GALNT13: variants seen among roughly 807,000 people sequenced by gnomAD.
The protein encoded by GALNT13 is UDP-GalNAc:polypeptide N-acetylgalactosaminyltransferase 13.
A neutral mutation model predicts 64.2 loss-of-function variants in GALNT13; 28 were observed. The ratio of observed to expected loss-of-function variants is 0.44; its 90% CI spans 0.32 to 0.60. GALNT13 has a LOEUF of 0.60. Among genes scored for constraint, GALNT13 ranks in the 20% least tolerant of loss-of-function variants. The pLI is 0.05. For synonymous variants in GALNT13, 214 were observed against 224.6 expected (o/e 0.95, Z 0.42); for missense variants, 577 against 669.8 (o/e 0.86, Z 1.53).
the GALNT13 span, among the ~76,000 whole-genome samples, chr2:153,174,467 ATTTT>A: frequency 1.5e-5 from 2 of 136,578 alleles, no homozygotes; most frequent in Non-Finnish European, 1.6e-5. Context: ...CACATTTTCT[ATTTT>A]TTTTTTTTTT....
the GALNT13 span, among the ~76,000 whole-genome samples, chr2:153,768,123 A>G: frequency 6.6e-6 from 1 of 152,152 alleles, no homozygotes; most frequent in South Asian, 2.1e-4. Flanking sequence ...TTGTTTATCC[A>G]TTCAAAAGAC....
chr2:153,388,762 C>T, the GALNT13 span, among the ~76,000 whole-genome samples: 2 of 152,146 alleles, frequency 1.3e-5, no homozygotes, highest in Admixed American at 1.3e-4. Flanking sequence ...CAATTCCAGC[C>T]TCCTAACTTC....
At chr2:153,215,131 ATAAT>A in the GALNT13 span, among the ~76,000 whole-genome samples, 1 of 152,196 alleles carries the variant, frequency 6.6e-6, no homozygotes, top group East Asian at 1.9e-4. Flanking sequence ...TGCATTTTAG[ATAAT>A]TAATTGATTC....
chr2:153,356,054 T>C, the GALNT13 span, among the ~76,000 whole-genome samples: 2 of 152,196 alleles, frequency 1.3e-5, no homozygotes, highest in Non-Finnish European at 2.9e-5. Flanking sequence ...ATATTCAAAT[T>C]AATTCATGTT....
At chr2:154,115,707 C>A (rs1420581286) in intron 3 of GALNT13, among the ~76,000 whole-genome samples, 4 of 152,164 alleles carry the variant, frequency 2.6e-5, no homozygotes, top group Non-Finnish European at 5.9e-5. Context: ...AGGTGTGAGC[C>A]ACCATGCCCG....
the GALNT13 span, among the ~76,000 whole-genome samples, chr2:153,579,886 A>AC: frequency 0.018 from 2,774 of 151,796 alleles, 88 homozygotes; most frequent in African/African-American, 0.064. Flanking sequence ...ACAATCCCTC[A>AC]CCCCCACCTT....
At chr2:154,260,976 G>A (rs1690664155) in intron 8 of GALNT13, among the ~76,000 whole-genome samples, 1 of 152,030 alleles carries the variant, frequency 6.6e-6, no homozygotes, top group Non-Finnish European at 1.5e-5. Context: ...TTCTGCCAAT[G>A]TACTCCTCTT....
chr2:153,452,434 C>T, the GALNT13 span, among the ~76,000 whole-genome samples: 13 of 151,704 alleles, frequency 8.6e-5, no homozygotes, highest in Non-Finnish European at 1.9e-4. Context: ...GCTGAGATTG[C>T]ACCACTGCAC....
the GALNT13 span, among the ~76,000 whole-genome samples, chr2:153,525,815 C>A: frequency 6.6e-6 from 1 of 152,130 alleles, no homozygotes; most frequent in Non-Finnish European, 1.5e-5. Context: ...CAGAGAGGAG[C>A]CCAGTGCTCT....
chr2:153,497,398 C>T, the GALNT13 span, among the ~76,000 whole-genome samples: 4 of 151,908 alleles, frequency 2.6e-5, no homozygotes, highest in Non-Finnish European at 4.4e-5. Flanking sequence ...ATGTGTCCTT[C>T]ATATTTTATG....
the GALNT13 span, among the ~76,000 whole-genome samples, chr2:153,628,158 G>T: frequency 6.6e-6 from 1 of 151,998 alleles, no homozygotes; most frequent in Non-Finnish European, 1.5e-5. Flanking sequence ...TCTGTTATTG[G>T]TGTATAAGAA....
the GALNT13 span, among the ~76,000 whole-genome samples, chr2:153,350,797 G>A: frequency 6.6e-6 from 1 of 152,088 alleles, no homozygotes; most frequent in East Asian, 1.9e-4. Flanking sequence ...CAATAGGGTT[G>A]ATGTTAATGA....
chr2:153,823,011 T>G, the GALNT13 span, among the ~76,000 whole-genome samples: 1 of 152,154 alleles, frequency 6.6e-6, no homozygotes. Flanking sequence ...AAGAACATAT[T>G]CTCATTTACA....
the GALNT13 span, among the ~76,000 whole-genome samples, chr2:153,596,521 T>C: frequency 3.9e-5 from 6 of 152,216 alleles, no homozygotes; most frequent in African/African-American, 1.4e-4. Context: ...AAAAAAGTCT[T>C]TAAATGGAAA....
chr2:154,331,165 T>C lies in GALNT13; in HGVS notation c.1156+29576T>C, dbSNP rs748576183. Among the ~76,000 whole-genome samples the C allele has an allele frequency of 1.3e-4, 20 of 152,086 alleles. 1 individual carries two copies. The highest frequency in any genetic ancestry group is 2.2e-4 in the Non-Finnish European group (15 of 68,016). ...CAAAATAAAAATTTAATCAAGGCAG[T>C]GGCTATACATGAGATAAAAGTAATA... On this transcript the variant is annotated intron_variant, in intron 9 of 12. Transcript: ENST00000392825.
At chr2:153,229,115 T>C in the GALNT13 span, among the ~76,000 whole-genome samples, 1 of 152,194 alleles carries the variant, frequency 6.6e-6, no homozygotes, top group Non-Finnish European at 1.5e-5. Flanking sequence ...TTTTCCATTA[T>C]GGGTGGGGCA....
At chr2:153,322,361 A>C in the GALNT13 span, among the ~76,000 whole-genome samples, 8 of 152,030 alleles carry the variant, frequency 5.3e-5, no homozygotes, top group Admixed American at 1.3e-4. Flanking sequence ...TTGTATGGCT[A>C]TGTAGTATTC....
At chr2:154,242,342 T>G (rs944965294) in intron 5 of GALNT13, 146 bp downstream of exon 5, 19 of 676,568 alleles carry the variant, frequency 2.8e-5, no homozygotes, top group Non-Finnish European at 4.4e-5. Flanking sequence ...TGCCACAGCC[T>G]ATCAGATTCT....
chr2:154,003,312 C>A (rs1696036156), intron 3 of GALNT13, among the ~76,000 whole-genome samples: 1 of 152,178 alleles, frequency 6.6e-6, no homozygotes. Flanking sequence ...TAAACATCCA[C>A]CTTTATTTCT....
Sources: gnomAD v4.1 joint callset for allele counts (sites outside exome capture counted in the v4.1 genomes callset) on GRCh38, gnomAD v4.1.1 for gene constraint, MANE v1.5 for transcripts, NCBI Gene and HGNC (gene_info 2026-07-23, HGNC 2026-07-21) for gene names.